Variants in RBL1 observed in about 807,000 individuals in gnomAD.
RBL1 encodes retinoblastoma-like protein 1.
A neutral mutation model predicts 123.0 loss-of-function variants in RBL1; 82 were observed. The ratio of observed to expected loss-of-function variants is 0.67; its 90% CI spans 0.56 to 0.80. RBL1 has a LOEUF of 0.80. Among genes scored for constraint, RBL1 ranks in the 30% least tolerant of loss-of-function variants. The pLI is 0.00. For missense variants in RBL1, 1,171 were observed against 1,299.6 expected, an observed-to-expected ratio of 0.90 and a Z score of 1.52; for synonymous variants, 405 against 441.3, an observed-to-expected ratio of 0.92 and a Z score of 1.03.
chr20:36,999,627 G>A (rs62206473), intron 21 of RBL1, among the ~76,000 whole-genome samples: 20,246 of 148,436 alleles, frequency 0.14, 1,663 homozygotes, highest in East Asian at 0.46. Flanking sequence ...GAGTGCCTGC[G>A]ATTGCAGGCA....
At chr20:37,057,747 G>A (rs941366155) in intron 9 of RBL1, among the ~76,000 whole-genome samples, 2 of 152,062 alleles carry the variant, frequency 1.3e-5, no homozygotes, top group African/African-American at 4.8e-5. Context: ...CCAGCACTTC[G>A]GGAGGCCAAG....
intron 1 of RBL1, among the ~76,000 whole-genome samples, chr20:37,093,354 G>T (rs2146341950): frequency 6.7e-6 from 1 of 148,836 alleles, no homozygotes; most frequent in South Asian, 2.1e-4. Flanking sequence ...TCTAAAGCAA[G>T]CATTGGGCTG....
intron 21 of RBL1, 55 bp from the exon 22 acceptor site, chr20:36,998,984 CA>C: frequency 6.6e-7 from 1 of 1,510,162 alleles, no homozygotes; most frequent in Non-Finnish European, 9.1e-7. Flanking sequence ...GAAATGGCAG[CA>C]AACAACCAAG....
intron 18 of RBL1, 70 bp downstream of exon 18, chr20:37,020,589 C>T: frequency 1.9e-6 from 2 of 1,054,410 alleles, no homozygotes; most frequent in Non-Finnish European, 2.8e-6. Context: ...ATAAGTTTAC[C>T]TTTTATATAA....
At chr20:37,069,107 C>T (rs868602209) in intron 2 of RBL1, among the ~76,000 whole-genome samples, 9 of 152,260 alleles carry the variant, frequency 5.9e-5, no homozygotes, top group African/African-American at 1.4e-4. Context: ...CCCGAGGTGC[C>T]GGGATTGCAG....
At chr20:37,091,665 C>CA (rs11421608) in intron 1 of RBL1, among the ~76,000 whole-genome samples, 35,668 of 105,604 alleles carry the variant, frequency 0.34, 6,031 homozygotes, top group African/African-American at 0.52. Flanking sequence ...GACTCTATCT[C>CA]AAAAAAAAAA....
intron 2 of RBL1, among the ~76,000 whole-genome samples, chr20:37,084,512 G>A (rs1600604551): frequency 6.6e-6 from 1 of 152,058 alleles, no homozygotes; most frequent in East Asian, 1.9e-4. Context: ...ACCAGCCTGG[G>A]CAACATGGTG....
chr20:37,068,855 G>A (rs890144108), intron 2 of RBL1, among the ~76,000 whole-genome samples: 3 of 151,366 alleles, frequency 2.0e-5, no homozygotes, highest in African/African-American at 7.4e-5. Flanking sequence ...CTCTCCCCAC[G>A]GTCTCCCTCT....
chr20:37,073,136 T>G (rs1423912484), intron 2 of RBL1, among the ~76,000 whole-genome samples: 2 of 152,072 alleles, frequency 1.3e-5, no homozygotes, highest in Non-Finnish European at 2.9e-5. Flanking sequence ...TAAAATGTTT[T>G]TTAGAGACAG....
In RBL1 at chr20:37,068,188, TAAAA is replaced by T. The variant is rs747182391; in HGVS notation, c.291-6_291-3del. 1 of 1,191,636 alleles carries T rather than the reference TAAAA, an allele frequency of 8.4e-7. No individual in the cohort carries two copies. The highest frequency in any genetic ancestry group is 1.6e-5 in the South Asian group (1 of 64,362). The allele number at this position is 1,191,636 out of a possible 1,614,324, so 73.8% of individuals were successfully genotyped here. A position where few individuals can be genotyped will look rare whatever the true frequency, so the allele number is the denominator to read the frequency against. Reference sequence around the variant, plus strand: ...ATTTTACTAAAAAATTGTATTAAACTAAAAAAAAAAAGGAGGAGAAAAAAGGCAC... The same window carrying T: ...ATTTTACTAAAAAATTGTATTAAACTAAAAAAAGGAGGAGAAAAAAGGCAC... On this transcript the variant is annotated splice_polypyrimidine_tract_variant and splice_region_variant and intron_variant, in intron 2 of 21. Transcript: ENST00000373664.
chr20:37,019,449 G>A (rs2064306103), intron 18 of RBL1, among the ~76,000 whole-genome samples: 1 of 152,128 alleles, frequency 6.6e-6, no homozygotes, highest in South Asian at 2.1e-4. Context: ...TCACCTTAAT[G>A]ATCTTCAAGG....
At chr20:37,092,135 C>T (rs2065656535) in intron 1 of RBL1, among the ~76,000 whole-genome samples, 1 of 151,860 alleles carries the variant, frequency 6.6e-6, no homozygotes, top group South Asian at 2.1e-4. Flanking sequence ...CCCAGCTACT[C>T]TGGAGGCTGA....
chr20:37,049,678 T>TA, intron 11 of RBL1: 1 of 748,222 alleles, frequency 1.3e-6, no homozygotes, highest in Non-Finnish European at 2.4e-6. Context: ...ATGTCTGACT[T>TA]ACTGCTTCAA....
chr20:37,083,419 A>C (rs1462825260), intron 2 of RBL1, among the ~76,000 whole-genome samples: 3 of 151,762 alleles, frequency 2.0e-5, no homozygotes, highest in Admixed American at 1.3e-4. Context: ...AAGTGAGCAG[A>C]GATCGCGACA....
chr20:37,082,326 A>T (rs1316934786), intron 2 of RBL1, among the ~76,000 whole-genome samples: 1 of 152,206 alleles, frequency 6.6e-6, no homozygotes. Context: ...TTACCATTTA[A>T]TGTGTATAGT....
chr20:37,083,803 C>T (rs1043881691), intron 2 of RBL1, among the ~76,000 whole-genome samples: 15 of 145,948 alleles, frequency 1.0e-4, no homozygotes, highest in Admixed American at 8.8e-4. Context: ...GATTCTAGCT[C>T]AAAAAAAAAT....
intron 14 of RBL1, among the ~76,000 whole-genome samples, chr20:37,036,872 G>T (rs968392529): frequency 3.9e-5 from 6 of 151,990 alleles, no homozygotes; most frequent in African/African-American, 1.2e-4. Flanking sequence ...TGATCTGCCC[G>T]CCTCGGCCTC....
chr20:37,028,314 G>A (rs2064456487), intron 16 of RBL1, among the ~76,000 whole-genome samples: 1 of 152,076 alleles, frequency 6.6e-6, no homozygotes, highest in Non-Finnish European at 1.5e-5. Context: ...GTAGTGAGCC[G>A]AGATCACGCT....
At chr20:37,089,221 C>A in intron 1 of RBL1, 99 bp from the exon 2 acceptor site, 1 of 1,228,932 alleles carries the variant, frequency 8.1e-7, no homozygotes, top group South Asian at 1.9e-5. Flanking sequence ...TCTCAATTTT[C>A]CTTATGTAGA....
Sources: gnomAD v4.1 joint callset for allele counts (sites outside exome capture counted in the v4.1 genomes callset) on GRCh38, gnomAD v4.1.1 for gene constraint, MANE v1.5 for transcripts, NCBI Gene and HGNC (gene_info 2026-07-23, HGNC 2026-07-21) for gene names.